The following TBL1X variants were observed in gnomAD, a reference collection of about 807,000 sequenced individuals.
TBL1X encodes transducin beta like 1 X-linked.
Under a neutral mutation model 50.7 loss-of-function variants are expected in TBL1X, and 10 were observed. The observed-to-expected ratio is 0.20, with a 90% CI of 0.12 to 0.33. The LOEUF (loss-of-function observed/expected upper bound fraction) is 0.33. Ranked by LOEUF, TBL1X falls within the 10% of genes least tolerant of loss-of-function variation. TBL1X has a pLI of 1.00. For missense variants in TBL1X, 340 were observed against 504.4 expected (o/e 0.67, Z 3.12); for synonymous variants, 190 against 214.7 (o/e 0.88, Z 1.01).
chrX:9,535,333 T>A (rs749491880), intron 2 of TBL1X, among the ~76,000 whole-genome samples: 1 of 112,555 alleles, frequency 8.9e-6, no homozygotes, highest in Non-Finnish European at 1.9e-5. Context: ...TGGTTCTGTT[T>A]ATAGAGGGAA....
chrX:9,477,060 A>G (rs1286663615), intron 1 of TBL1X, among the ~76,000 whole-genome samples: 1 of 112,425 alleles, frequency 8.9e-6, no homozygotes, highest in African/African-American at 3.2e-5. Flanking sequence ...TATCCTGGAC[A>G]TGGTTTTAGA....
At chrX:9,463,786 C>A (rs2081751147), upstream of TBL1X, among the ~76,000 whole-genome samples, 1 of 112,110 alleles carries the variant, frequency 8.9e-6, no homozygotes, top group Non-Finnish European at 1.9e-5. Context: ...CCCAGCTACT[C>A]GGGAGGCTGA....
intron 1 of TBL1X, among the ~76,000 whole-genome samples, chrX:9,473,284 C>G (rs1283751730): frequency 8.9e-6 from 1 of 112,306 alleles, no homozygotes; most frequent in Non-Finnish European, 1.9e-5. Context: ...AACTTGTGTC[C>G]TTGCCTTCAG....
At chrX:9,629,868 G>A (rs942843001) in intron 2 of TBL1X, among the ~76,000 whole-genome samples, 1 of 110,750 alleles carries the variant, frequency 9.0e-6, no homozygotes, top group Admixed American at 9.7e-5. Context: ...GCTGATCGCC[G>A]GTTGTATGGG....
At chrX:9,496,573 C>T (rs1455304432) in intron 1 of TBL1X, among the ~76,000 whole-genome samples, 1 of 112,606 alleles carries the variant, frequency 8.9e-6, no homozygotes, top group Non-Finnish European at 1.9e-5. Flanking sequence ...ATGCTGGCAG[C>T]CTCTTAGGGT....
At chrX:9,578,766 C>T (rs1020228241) in intron 2 of TBL1X, among the ~76,000 whole-genome samples, 5 of 111,591 alleles carry the variant, frequency 4.5e-5, no homozygotes, top group African/African-American at 1.6e-4. Flanking sequence ...GCACAGCTTG[C>T]CAAACAGATA....
At chrX:9,509,381 A>T (rs1006240947) in intron 2 of TBL1X, among the ~76,000 whole-genome samples, 15 of 108,587 alleles carry the variant, frequency 1.4e-4, no homozygotes, top group Non-Finnish European at 2.5e-4. Flanking sequence ...AAAAAAAAAA[A>T]AAAAGATTTC....
At chrX:9,466,382 G>A (rs982454944) in intron 1 of TBL1X, among the ~76,000 whole-genome samples, 1 of 112,597 alleles carries the variant, frequency 8.9e-6, no homozygotes, top group South Asian at 3.6e-4. Flanking sequence ...CCTGTGTTCC[G>A]TCAGACCGGG....
chrX:9,513,492 G>A lies in TBL1X; in HGVS notation c.-131+11643G>A, dbSNP rs183083410. Among the ~76,000 whole-genome samples, 11 of 111,720 alleles carry A rather than the reference G, an allele frequency of 9.8e-5. No homozygotes were observed. In the East Asian group the frequency reaches 1.1e-3, roughly 12 times the overall value. On this transcript the variant is annotated intron_variant, in intron 2 of 17. Transcript: ENST00000645353. ...ATCCTTAGGAGGATTCACTGAATTC[G>A]TCCACTTGGAATCCACATGGAAGGC...
At chrX:9,600,776 G>C (rs143771588) in intron 2 of TBL1X, among the ~76,000 whole-genome samples, 1,243 of 111,828 alleles carry the variant, frequency 0.011, 20 homozygotes, top group African/African-American at 0.038. Context: ...CTGAACACAG[G>C]CAAACCCATC....
At chrX:9,497,483 C>T (rs1368962343) in intron 1 of TBL1X, among the ~76,000 whole-genome samples, 2 of 108,632 alleles carry the variant, frequency 1.8e-5, no homozygotes, top group Non-Finnish European at 3.8e-5. Context: ...CAAAAGGAAC[C>T]CTGACATAAC....
chrX:9,685,885 G>T (rs2083056326), intron 6 of TBL1X, among the ~76,000 whole-genome samples: 1 of 108,788 alleles, frequency 9.2e-6, no homozygotes, highest in Non-Finnish European at 1.9e-5. Context: ...ACCACGTCCA[G>T]ATAATTTTTT....
At chrX:9,600,635 C>T (rs138458960) in intron 2 of TBL1X, among the ~76,000 whole-genome samples, 1,215 of 111,563 alleles carry the variant, frequency 0.011, 21 homozygotes, top group African/African-American at 0.037. Flanking sequence ...TGTTGACAAA[C>T]AAAATTGGAG....
Position 9,716,344 on chromosome X carries a change from G to A in TBL1X, c.*98G>A. 1 of 923,208 alleles carries A rather than the reference G, an allele frequency of 1.1e-6. No individual in the cohort carries two copies. Among genetic ancestry groups the A allele is most frequent in the Non-Finnish European group, 1.5e-6 (1 of 657,681 alleles). The allele number at this position is 923,208 out of a possible 1,213,427, so 76.1% of individuals were successfully genotyped here. A position where few individuals can be genotyped will look rare whatever the true frequency, so the allele number is the denominator to read the frequency against. ...CTCCAAAACTGTAGGAACTTGACTT[G>A]CGTTAGAGTGTACTCTGAAACCAAC... is the stretch of plus-strand genomic sequence containing the variant. On this transcript the variant is annotated 3_prime_UTR_variant, in exon 18 of 18. Transcript: ENST00000645353.
At chrX:9,711,341 CAAA>C (rs35046287) in intron 15 of TBL1X, among the ~76,000 whole-genome samples, 3 of 76,405 alleles carry the variant, frequency 3.9e-5, no homozygotes, top group Admixed American at 1.5e-4. Flanking sequence ...GACCCCATCT[CAAA>C]AAAAAAAAAA....
chrX:9,557,578 T>G (rs1217809278), intron 2 of TBL1X, among the ~76,000 whole-genome samples: 2 of 111,285 alleles, frequency 1.8e-5, no homozygotes, highest in African/African-American at 6.6e-5. Context: ...AGTCCTGGAC[T>G]TCGGAGTAAA....
intron 16 of TBL1X, among the ~76,000 whole-genome samples, chrX:9,713,790 A>G (rs2083263037): frequency 9.1e-6 from 1 of 109,998 alleles, no homozygotes; most frequent in South Asian, 4.0e-4. Flanking sequence ...TTCTCCAAGT[A>G]TAAAAATACT....
At chrX:9,469,718 A>G (rs1298133494) in intron 1 of TBL1X, among the ~76,000 whole-genome samples, 1 of 112,167 alleles carries the variant, frequency 8.9e-6, no homozygotes, top group Admixed American at 9.4e-5. Flanking sequence ...AGAGAGAACA[A>G]TCTCCTCAGC....
intron 2 of TBL1X, among the ~76,000 whole-genome samples, chrX:9,576,336 G>A (rs1306341049): frequency 1.8e-5 from 2 of 112,346 alleles, no homozygotes; most frequent in Admixed American, 9.4e-5. Context: ...ATCTAGGAAC[G>A]GGTTTATGGA....
Sources: gnomAD v4.1 joint callset for allele counts (sites outside exome capture counted in the v4.1 genomes callset) on GRCh38, gnomAD v4.1.1 for gene constraint, MANE v1.5 for transcripts, NCBI Gene and HGNC (gene_info 2026-07-23, HGNC 2026-07-21) for gene names.